The following SDK1 variants were observed in gnomAD, a reference collection of about 807,000 sequenced individuals.
SDK1 encodes sidekick cell adhesion molecule 1, also known as protein sidekick-1.
In SDK1, 157 loss-of-function variants were observed where a neutral mutation model predicts 245.5. That is an observed-to-expected ratio of 0.64 (90% CI 0.56 to 0.73). The LOEUF is 0.73. SDK1 is among the 30% of genes least tolerant of loss of function. The probability of loss-of-function intolerance (pLI) is 0.00; values close to 1 mark genes in which losing one functional copy is unlikely to be tolerated. For missense variants in SDK1, 3,583 were observed against 3,002.3 expected (o/e 1.19, Z -4.52); for synonymous variants, 1,647 against 1,278.5 (o/e 1.29, Z -6.15).
chr7:3,975,158 T>G (rs1782816707), intron 13 of SDK1, among the ~76,000 whole-genome samples: 1 of 152,178 alleles, frequency 6.6e-6, no homozygotes, highest in African/African-American at 2.4e-5. Context: ...TCCACTCCCC[T>G]CTCTATTCAT....
At chr7:3,672,919 C>T (rs923846253) in intron 4 of SDK1, among the ~76,000 whole-genome samples, 2 of 149,882 alleles carry the variant, frequency 1.3e-5, no homozygotes, top group Non-Finnish European at 3.0e-5. Flanking sequence ...TCTATTCTAA[C>T]TCTTGAAATG....
intron 4 of SDK1, among the ~76,000 whole-genome samples, chr7:3,701,407 T>C (rs556139614): frequency 2.0e-5 from 3 of 152,206 alleles, no homozygotes; most frequent in Non-Finnish European, 4.4e-5. Context: ...GTAATTCATA[T>C]CAAAATCGTA....
At chr7:3,870,484 C>T (rs927602103) in intron 5 of SDK1, among the ~76,000 whole-genome samples, 5 of 152,076 alleles carry the variant, frequency 3.3e-5, no homozygotes, top group African/African-American at 9.7e-5. Flanking sequence ...CCCACTGCTC[C>T]TTCAAGATGC....
At position 4,119,496 on chromosome 7, in the gene SDK1, C is replaced by T. The variant is rs866260629; in HGVS notation, c.3823+5222C>T. ...AATGGCTCATAGATTGTACACTTTG[C>T]GTATGGTTGGAAGGCCCAGAAAATC... On this transcript the variant is annotated intron_variant, in intron 25 of 44. Coordinates refer to ENST00000404826, the MANE Select transcript of SDK1 (RefSeq NM_152744.4). 6.7e-5 allele frequency among the ~76,000 whole-genome samples: 10 copies of T among 148,384 alleles called. 1 individual carries two copies. Among genetic ancestry groups the T allele is most frequent in the African/African-American group, 2.2e-4 (9 of 40,704 alleles).
chr7:3,696,805 AATT>A (rs1200673586), intron 4 of SDK1, among the ~76,000 whole-genome samples: 11 of 152,118 alleles, frequency 7.2e-5, no homozygotes, highest in African/African-American at 2.4e-4. Context: ...ACTAAAATGT[AATT>A]ATAACAAAGC....
chr7:3,459,946 C>G (rs1282145299), intron 1 of SDK1, among the ~76,000 whole-genome samples: 1 of 152,180 alleles, frequency 6.6e-6, no homozygotes. Context: ...AAGAAACTTG[C>G]CTGCCTCTTG....
Position 3,639,092 on chromosome 7 carries a change from T to C in SDK1, c.547T>C (p.Ser183Pro), listed in dbSNP as rs1782565001. ...NRMGALLQRK[S>P]EVQVAYMGSF... ...AATGGGAGCACTCCTGCAAAGAAAA[T>C]CAGAAGTTCAAGTCGCATGTATGTG... is the stretch of plus-strand genomic sequence containing the variant. Residue 183 changes from serine to proline, a missense_variant, in exon 3 of 45, where the codon TCA (serine) becomes CCA (proline). Ser to Pro is a moderately conservative substitution (Grantham distance 74). Transcript: ENST00000404826. 6.3e-7 allele frequency: 1 copy of C among 1,598,730 alleles called. No individual in the cohort carries two copies. Among genetic ancestry groups the C allele is most frequent in the Non-Finnish European group, 8.6e-7 (1 of 1,168,576 alleles).
At chr7:4,259,101 A>T in intron 44 of SDK1, among the ~76,000 whole-genome samples, 1 of 152,096 alleles carries the variant, frequency 6.6e-6, no homozygotes, top group East Asian at 1.9e-4. Flanking sequence ...GCAGAGCTTA[A>T]CCTTGTAAGC....
intron 4 of SDK1, among the ~76,000 whole-genome samples, chr7:3,684,547 A>C (rs959158352): frequency 1.3e-5 from 2 of 152,244 alleles, no homozygotes; most frequent in Admixed American, 6.5e-5. Flanking sequence ...ATAGGATGCA[A>C]AGGTCTTATT....
At chr7:3,603,565 G>A (rs1234199677) in intron 1 of SDK1, among the ~76,000 whole-genome samples, 2 of 152,074 alleles carry the variant, frequency 1.3e-5, no homozygotes, top group African/African-American at 4.8e-5. Flanking sequence ...TTGCTTATCA[G>A]CTTGAGGAGA....
At chr7:4,135,816 C>G in intron 28 of SDK1, among the ~76,000 whole-genome samples, 1 of 152,190 alleles carries the variant, frequency 6.6e-6, no homozygotes, top group East Asian at 1.9e-4. Flanking sequence ...TTCCCTGGCA[C>G]CAGAGGAGGC....
intron 5 of SDK1, among the ~76,000 whole-genome samples, chr7:3,852,196 T>G (rs1323442545): frequency 1.3e-5 from 2 of 151,678 alleles, no homozygotes; most frequent in African/African-American, 4.8e-5. Context: ...TTTTTTAACT[T>G]GAGATTCTTT....
At chr7:3,773,774 C>A (rs1224140604) in intron 4 of SDK1, among the ~76,000 whole-genome samples, 1 of 152,120 alleles carries the variant, frequency 6.6e-6, no homozygotes, top group Admixed American at 6.5e-5. Context: ...TTAAGTTCTT[C>A]TCAGGTCTTT....
At chr7:3,564,067 C>T (rs1779831082) in intron 1 of SDK1, among the ~76,000 whole-genome samples, 1 of 151,672 alleles carries the variant, frequency 6.6e-6, no homozygotes, top group South Asian at 2.1e-4. Context: ...GACTTTATAG[C>T]TTAAATAAAC....
rs542826581 is a variant in SDK1 at position 3,790,429 on chromosome 7, G to T, written c.714-31021G>T. Among the ~76,000 whole-genome samples the T allele has an allele frequency of 2.6e-5, 4 of 152,260 alleles. No individual in the cohort carries two copies. In the East Asian group the frequency reaches 7.7e-4, roughly 29 times the overall value. On this transcript the variant is annotated intron_variant, in intron 4 of 44. Coordinates refer to ENST00000404826, the MANE Select transcript of SDK1 (RefSeq NM_152744.4). The stretch of plus-strand genomic sequence containing the variant: ...GGGGCCTGCAAAACCAGTCTGCAGA[G>T]AATAGTGTGGAAAGGTGGGTTTGGA...
chr7:3,496,766 C>T (rs1294840628), intron 1 of SDK1, among the ~76,000 whole-genome samples: 4 of 152,142 alleles, frequency 2.6e-5, no homozygotes, highest in African/African-American at 9.7e-5. Flanking sequence ...TAAAACGTGC[C>T]ATTGGTTAAT....
intron 18 of SDK1, among the ~76,000 whole-genome samples, chr7:4,049,851 G>C (rs1377960045): frequency 6.6e-6 from 1 of 152,190 alleles, no homozygotes; most frequent in African/African-American, 2.4e-5. Context: ...TATTTCCATG[G>C]AGAAAGGATA....
chr7:4,017,429 G>C, intron 17 of SDK1, 77 bp downstream of exon 17: 2 of 1,324,456 alleles, frequency 1.5e-6, no homozygotes, highest in Admixed American at 2.5e-5. Context: ...ACTGGAGTAC[G>C]TTAGAAAGAA....
At chr7:3,903,006 A>G (rs1781840981) in intron 5 of SDK1, among the ~76,000 whole-genome samples, 1 of 152,226 alleles carries the variant, frequency 6.6e-6, no homozygotes, top group Admixed American at 6.5e-5. Flanking sequence ...GATAAAAAAA[A>G]CGGGCAATAA....
Sources: allele counts gnomAD v4.1 joint callset (sites outside exome capture counted in the v4.1 genomes callset), GRCh38; gene constraint gnomAD v4.1.1; transcripts MANE v1.5; gene names NCBI Gene and HGNC (gene_info 2026-07-23, HGNC 2026-07-21).